The following TBL1X variants were observed in gnomAD, a reference collection of about 807,000 sequenced individuals.
The protein encoded by TBL1X is transducin beta like 1 X-linked, also known as F-box-like/WD repeat-containing protein TBL1X.
TBL1X carries 10 observed loss-of-function variants against 50.7 expected under a neutral mutation model. The ratio of observed to expected loss-of-function variants is 0.20; its 90% CI spans 0.12 to 0.33. The LOEUF (loss-of-function observed/expected upper bound fraction) is 0.33, where lower values mean the gene tolerates loss of function less well. Ranked by LOEUF, TBL1X falls within the 10% of genes least tolerant of loss-of-function variation. TBL1X has a pLI of 1.00. For missense variants in TBL1X, 340 were observed against 504.4 expected (o/e 0.67, Z 3.12); for synonymous variants, 190 against 214.7 (o/e 0.88, Z 1.01).
At chrX:9,487,013 C>T (rs904019907) in intron 1 of TBL1X, among the ~76,000 whole-genome samples, 4 of 111,784 alleles carry the variant, frequency 3.6e-5, no homozygotes, top group Admixed American at 2.8e-4. Flanking sequence ...CAGGAGAAGT[C>T]GTGGAACAGA....
At chrX:9,576,518 A>G (rs892565420) in intron 2 of TBL1X, among the ~76,000 whole-genome samples, 31 of 111,450 alleles carry the variant, frequency 2.8e-4, no homozygotes, top group African/African-American at 8.8e-4. Context: ...GCCAACTTCT[A>G]TATTTTCCAG....
At chrX:9,631,276 G>C (rs2082720306) in intron 2 of TBL1X, among the ~76,000 whole-genome samples, 1 of 111,518 alleles carries the variant, frequency 9.0e-6, no homozygotes, top group East Asian at 2.8e-4. Flanking sequence ...TATCGTCTCT[G>C]TTCCTCTCCT....
intron 12 of TBL1X, among the ~76,000 whole-genome samples, chrX:9,701,842 G>A (rs756080966): frequency 2.9e-4 from 32 of 111,608 alleles, no homozygotes; most frequent in Non-Finnish European, 5.1e-4. Context: ...TGTTGTAAAC[G>A]AGAACGAAGA....
At chrX:9,497,769 C>CCTCCCTCT (rs1188807811) in intron 1 of TBL1X, among the ~76,000 whole-genome samples, 1 of 48,401 alleles carries the variant, frequency 2.1e-5, no homozygotes, top group Non-Finnish European at 3.8e-5. Context: ...TCCCTCCCTC[C>CCTCCCTCT]CTCCCTCTCT....
intron 1 of TBL1X, among the ~76,000 whole-genome samples, chrX:9,469,521 ATCACCATCAGT>A (rs1229808262): frequency 8.9e-6 from 1 of 112,697 alleles, no homozygotes; most frequent in Non-Finnish European, 1.9e-5. Context: ...CTGGAAAGGT[ATCACCATCAGT>A]CACGATGGTG....
chrX:9,619,718 G>A lies in TBL1X; in HGVS notation c.-130-20555G>A, dbSNP rs145093791. Among the ~76,000 whole-genome samples the A allele has an allele frequency of 6.3e-3, 710 of 112,209 alleles. 6 individuals carry two copies. Among genetic ancestry groups the A allele is most frequent in the South Asian group, 0.035 (94 of 2,707 alleles). The stretch of plus-strand genomic sequence containing the variant: ...ATGGGGCTGGGAGCAGACTTGGATC[G>A]GCTTTGGGAGATGGTGTAGGCAGCG... On this transcript the variant is annotated intron_variant, in intron 2 of 17. Coordinates refer to ENST00000645353, the MANE Select transcript of TBL1X (RefSeq NM_005647.4).
chrX:9,532,167 AT>A (rs1278597522), intron 2 of TBL1X, among the ~76,000 whole-genome samples: 1 of 111,643 alleles, frequency 9.0e-6, no homozygotes, highest in Non-Finnish European at 1.9e-5. Context: ...TTGGGTGGAC[AT>A]TTAGTCTGCA....
chrX:9,531,882 A>C (rs779570676), intron 2 of TBL1X, among the ~76,000 whole-genome samples: 1 of 110,412 alleles, frequency 9.1e-6, no homozygotes, highest in Non-Finnish European at 1.9e-5. Flanking sequence ...ATGGGCGCGC[A>C]CCACTACCAC....
intron 2 of TBL1X, among the ~76,000 whole-genome samples, chrX:9,556,069 G>C (rs186236400): frequency 4.6e-5 from 5 of 109,332 alleles, no homozygotes; most frequent in African/African-American, 1.7e-4. Flanking sequence ...CACACCTGTG[G>C]TCCCAGCTAC....
At position 9,576,585 on chromosome X, in the gene TBL1X, T is replaced by C. The variant is rs189070587; in HGVS notation, c.-130-63688T>C. Among the ~76,000 whole-genome samples, 193 of 110,356 alleles carry C rather than the reference T, an allele frequency of 1.7e-3. 1 individual carries two copies. Among genetic ancestry groups the C allele is most frequent in the African/African-American group, 6.1e-3 (183 of 30,231 alleles). Reference sequence around the variant, plus strand: ...AAAGTTGCGGTGAACACCTTCTTTCTTGACTTCCTGTTTAAAAAAATTACA... The same window carrying C: ...AAAGTTGCGGTGAACACCTTCTTTCCTGACTTCCTGTTTAAAAAAATTACA... On this transcript the variant is annotated intron_variant, in intron 2 of 17. Transcript: ENST00000645353.
intron 5 of TBL1X, among the ~76,000 whole-genome samples, chrX:9,674,112 C>T (rs1318133513): frequency 8.9e-6 from 1 of 112,083 alleles, no homozygotes; most frequent in Non-Finnish European, 1.9e-5. Flanking sequence ...TTGGAAAAAA[C>T]AAAAATAACA....
At chrX:9,648,737 T>C (rs762201751) in intron 3 of TBL1X, among the ~76,000 whole-genome samples, 77 of 112,578 alleles carry the variant, frequency 6.8e-4, no homozygotes, top group Admixed American at 6.7e-3. Flanking sequence ...TGCAGTGACC[T>C]TCTCTGTGCT....
chrX:9,636,598 G>T (rs1319025569), intron 2 of TBL1X: 1 of 111,234 alleles, frequency 9.0e-6, no homozygotes, highest in Admixed American at 9.6e-5. Flanking sequence ...AGGTGAATGG[G>T]TTCTGAAGGC....
At chrX:9,528,075 G>A (rs1018326659) in intron 2 of TBL1X, among the ~76,000 whole-genome samples, 2 of 111,027 alleles carry the variant, frequency 1.8e-5, no homozygotes, top group Admixed American at 9.6e-5. Flanking sequence ...GGGAGCCACC[G>A]TGCCCAGCCT....
intron 2 of TBL1X, among the ~76,000 whole-genome samples, chrX:9,531,354 G>GGAGGGTGTGT (rs755352161): frequency 1.3e-5 from 1 of 75,225 alleles, no homozygotes; most frequent in Non-Finnish European, 2.6e-5. Context: ...GAACCTGGAG[G>GGAGGGTGTGT]GTGTGTGTGT....
intron 3 of TBL1X, among the ~76,000 whole-genome samples, chrX:9,652,042 G>T (rs1394740070): frequency 8.9e-6 from 1 of 112,038 alleles, no homozygotes; most frequent in Non-Finnish European, 1.9e-5. Context: ...CACAAGGCTT[G>T]GTCCGGGTGT....
At position 9,517,144 on chromosome X, in the gene TBL1X, A is replaced by G. The variant is rs191840686; in HGVS notation, c.-131+15295A>G. Among the ~76,000 whole-genome samples the G allele has an allele frequency of 1.8e-3, 199 of 111,667 alleles. 1 individual carries two copies. The highest frequency in any genetic ancestry group is 6.4e-3 in the African/African-American group (196 of 30,751). The stretch of plus-strand genomic sequence containing the variant: ...GTCAGATAGGGCCGGAGACAAGGCC[A>G]GGAAAGGCGAGAGGAAGAGCCTGCA... On this transcript the variant is annotated intron_variant, in intron 2 of 17. Coordinates refer to ENST00000645353, the MANE Select transcript of TBL1X (RefSeq NM_005647.4).
intron 12 of TBL1X, among the ~76,000 whole-genome samples, chrX:9,704,521 C>T (rs2083194903): frequency 9.0e-6 from 1 of 111,392 alleles, no homozygotes; most frequent in African/African-American, 3.3e-5. Flanking sequence ...GCCAACGTGG[C>T]AGGAGAGGGT....
At chrX:9,715,585 G>A (rs1417557121) in intron 17 of TBL1X, among the ~76,000 whole-genome samples, 1 of 111,960 alleles carries the variant, frequency 8.9e-6, no homozygotes, top group Admixed American at 9.4e-5. Flanking sequence ...AATCTTACAG[G>A]ACCACTGCGG....
Sources: gnomAD v4.1 joint callset for allele counts (sites outside exome capture counted in the v4.1 genomes callset) on GRCh38, gnomAD v4.1.1 for gene constraint, MANE v1.5 for transcripts, NCBI Gene and HGNC (gene_info 2026-07-23, HGNC 2026-07-21) for gene names.